SYCE2: variants seen among roughly 807,000 people sequenced by gnomAD.
SYCE2 encodes the protein central element synaptonemal complex 1.
Under a neutral mutation model 27.9 loss-of-function variants are expected in SYCE2, and 3 were observed. That is an observed-to-expected ratio of 0.11 (90% CI 0.05 to 0.28). The LOEUF (loss-of-function observed/expected upper bound fraction) is 0.28, where lower values mean the gene tolerates loss of function less well. Ranked by LOEUF, SYCE2 falls within the 10% of genes least tolerant of loss-of-function variation. The pLI is 1.00. For missense variants in SYCE2, 207 were observed against 263.5 expected, an observed-to-expected ratio of 0.79 and a Z score of 1.48; for synonymous variants, 85 against 100.7, an observed-to-expected ratio of 0.84 and a Z score of 0.93.
chr19:12,919,231 A>G lies in SYCE2; in HGVS notation c.15+12T>C. ...CCGCCCCACGCGCGAGAAGGAAACA[A>G]GCGCCGCGTACTCCCTGTCGCTCCA... On this transcript the variant is annotated intron_variant, in intron 1 of 5. Transcript: ENST00000293695. 2 of 1,611,150 alleles carry G rather than the reference A, an allele frequency of 1.2e-6. No individual in the cohort carries two copies. The highest frequency in any genetic ancestry group is 1.7e-6 in the Non-Finnish European group (2 of 1,179,986).
chr19:12,915,598 T>C (rs77440950), intron 2 of SYCE2, among the ~76,000 whole-genome samples: 19,859 of 126,258 alleles, frequency 0.16, 2,391 homozygotes, highest in East Asian at 0.61. Context: ...CGAGACTCCA[T>C]CTCAAAAAAA....
chr19:12,912,001 G>A (rs1223682977), intron 2 of SYCE2, among the ~76,000 whole-genome samples: 12 of 151,742 alleles, frequency 7.9e-5, no homozygotes, highest in Non-Finnish European at 1.8e-4. Flanking sequence ...GCAGTGGCAC[G>A]ATCTCGGCTC....
chr19:12,901,817 A>G (rs1489307835), intron 3 of SYCE2, among the ~76,000 whole-genome samples: 1 of 151,962 alleles, frequency 6.6e-6, no homozygotes, highest in African/African-American at 2.4e-5. Context: ...GGGTTTCACC[A>G]TGTTAGCCAG....
chr19:12,914,550 A>G (rs1306806525), intron 2 of SYCE2, among the ~76,000 whole-genome samples: 1 of 140,112 alleles, frequency 7.1e-6, no homozygotes, highest in Non-Finnish European at 1.5e-5. Flanking sequence ...GCCTCCCACT[A>G]GACCTCCCTA....
At chr19:12,919,207 C>T (rs1299689897) in intron 1 of SYCE2, 36 bp downstream of exon 1, 1 of 1,609,362 alleles carries the variant, frequency 6.2e-7, no homozygotes, top group Non-Finnish European at 8.5e-7. Flanking sequence ...TCTGTCCGCC[C>T]GCCCCACGCG....
chr19:12,904,959 A>G (rs74181679), intron 2 of SYCE2, among the ~76,000 whole-genome samples: 2 of 151,552 alleles, frequency 1.3e-5, no homozygotes, highest in Admixed American at 1.3e-4. Context: ...AGCCGAGATC[A>G]CGCCACTGTA....
At chr19:12,908,325 C>CTTCTT (rs1406427743) in intron 2 of SYCE2, among the ~76,000 whole-genome samples, 5 of 121,354 alleles carry the variant, frequency 4.1e-5, no homozygotes, top group Non-Finnish European at 6.6e-5. Flanking sequence ...TCACCCTGGG[C>CTTCTT]TTCTTTTCTT....
At chr19:12,903,983 C>T (rs796635496) in intron 3 of SYCE2, among the ~76,000 whole-genome samples, 10 of 152,270 alleles carry the variant, frequency 6.6e-5, no homozygotes, top group African/African-American at 2.2e-4. Context: ...AGATGTAAGC[C>T]CTGGGCATGT....
At position 12,899,030 on chromosome 19, in the gene SYCE2, T is replaced by A. The variant is rs1970766703; in HGVS notation, c.*311A>T. 4.7e-6 allele frequency: 2 copies of A among 421,426 alleles called. No homozygotes were observed. The highest frequency in any genetic ancestry group is 8.8e-6 in the Non-Finnish European group (2 of 226,258). The allele number at this position is 421,426 out of a possible 1,614,324, so 26.1% of individuals were successfully genotyped here. A position where few individuals can be genotyped will look rare whatever the true frequency, so the allele number is the denominator to read the frequency against. On this transcript the variant is annotated 3_prime_UTR_variant, in exon 6 of 6. Transcript: ENST00000293695. ...GTAAGAAAGGGCTTGCTGTGTTTCCTTGGAGCTCAGGGGTGCTTTCAGCCT... is the reference window on the plus strand; with the variant it reads ...GTAAGAAAGGGCTTGCTGTGTTTCCATGGAGCTCAGGGGTGCTTTCAGCCT...
intron 2 of SYCE2, among the ~76,000 whole-genome samples, chr19:12,915,354 A>C (rs533862394): frequency 3.3e-5 from 5 of 152,198 alleles, no homozygotes; most frequent in Admixed American, 1.3e-4. Context: ...TAATCTCAGC[A>C]CTTTGGGAGG....
chr19:12,912,591 GTC>G, intron 2 of SYCE2, among the ~76,000 whole-genome samples: 2 of 152,224 alleles, frequency 1.3e-5, no homozygotes, highest in Middle Eastern at 6.8e-3. Context: ...TCACCTTGTT[GTC>G]TCAGCCTCTC....
intron 2 of SYCE2, chr19:12,906,285 C>T (rs1970932341): frequency 6.6e-6 from 1 of 152,208 alleles, no homozygotes; most frequent in Admixed American, 6.5e-5. Context: ...AGGTGAATAC[C>T]TGTTGAATTA....
chr19:12,916,763 G>A (rs896113991), intron 2 of SYCE2, among the ~76,000 whole-genome samples: 9 of 151,870 alleles, frequency 5.9e-5, no homozygotes, highest in Admixed American at 2.6e-4. Flanking sequence ...ACCACACCAC[G>A]CTCATTTCTT....
At chr19:12,910,027 C>T (rs1013404036) in intron 2 of SYCE2, among the ~76,000 whole-genome samples, 1 of 151,908 alleles carries the variant, frequency 6.6e-6, no homozygotes, top group African/African-American at 2.4e-5. Context: ...CCACCACACC[C>T]AGCTAATTTT....
At chr19:12,907,086 G>C (rs1039911484) in intron 2 of SYCE2, among the ~76,000 whole-genome samples, 1 of 152,046 alleles carries the variant, frequency 6.6e-6, no homozygotes, top group Non-Finnish European at 1.5e-5. Context: ...ATCAGTTAGC[G>C]GTTCTGGCCA....
chr19:12,898,929 G>A lies in SYCE2; in HGVS notation c.*412C>T, dbSNP rs558080823. The A allele has an allele frequency of 5.6e-5, 13 of 232,582 alleles. No individual in the cohort carries two copies. The highest frequency in any genetic ancestry group is 3.6e-4 in the Admixed American group (7 of 19,546). 14.4% of individuals were successfully genotyped at this position (232,582 alleles called of 1,614,324 possible). On this transcript the variant is annotated 3_prime_UTR_variant, in exon 6 of 6. Transcript: ENST00000293695. Reference sequence around the variant, plus strand: ...GGGTGTGGGATTCTCTGGGAGAGGCGGCTTCAGATGGGCAGAGGTCAGCTG... The same window carrying A: ...GGGTGTGGGATTCTCTGGGAGAGGCAGCTTCAGATGGGCAGAGGTCAGCTG...
chr19:12,918,139 C>G, intron 2 of SYCE2, 83 bp downstream of exon 2: 1 of 1,192,636 alleles, frequency 8.4e-7, no homozygotes, highest in Non-Finnish European at 1.2e-6. Context: ...GCAGCAGACA[C>G]TGGCATAGCC....
intron 2 of SYCE2, among the ~76,000 whole-genome samples, chr19:12,915,896 C>A (rs569405851): frequency 1.3e-5 from 2 of 152,246 alleles, no homozygotes; most frequent in South Asian, 4.1e-4. Flanking sequence ...ACAAGGACAC[C>A]TTCCCTGGCT....
At chr19:12,906,713 C>G (rs1970940183) in intron 2 of SYCE2, among the ~76,000 whole-genome samples, 1 of 151,988 alleles carries the variant, frequency 6.6e-6, no homozygotes. Flanking sequence ...TCGAGACCAG[C>G]CTGGCCAACA....
Sources: gnomAD v4.1 joint callset for allele counts (sites outside exome capture counted in the v4.1 genomes callset) on GRCh38, gnomAD v4.1.1 for gene constraint, MANE v1.5 for transcripts, NCBI Gene and HGNC (gene_info 2026-07-23, HGNC 2026-07-21) for gene names.